The following CREB3L2 variants were observed in gnomAD, a reference collection of about 807,000 sequenced individuals.
The protein encoded by CREB3L2 is cAMP responsive element binding protein 3 like 2.
CREB3L2 carries 23 observed loss-of-function variants against 57.2 expected under a neutral mutation model. The ratio of observed to expected loss-of-function variants is 0.40; its 90% CI spans 0.29 to 0.57. CREB3L2 has a LOEUF of 0.57. Ranked by LOEUF, CREB3L2 falls within the 20% of genes least tolerant of loss-of-function variation. The pLI, the probability that CREB3L2 is intolerant of heterozygous loss-of-function variation, is 0.42. For synonymous variants in CREB3L2, 268 were observed against 265.1 expected (o/e 1.01, Z -0.11); for missense variants, 628 against 634.7 (o/e 0.99, Z 0.11).
At chr7:137,986,846 T>C (rs1345531698) in intron 1 of CREB3L2, among the ~76,000 whole-genome samples, 2 of 152,226 alleles carry the variant, frequency 1.3e-5, no homozygotes, top group Non-Finnish European at 2.9e-5. Flanking sequence ...AGAAACCAAA[T>C]GGTTTTTTGG....
At chr7:137,982,417 C>T (rs1334985512) in intron 1 of CREB3L2, among the ~76,000 whole-genome samples, 2 of 146,258 alleles carry the variant, frequency 1.4e-5, no homozygotes, top group Admixed American at 1.3e-4. Flanking sequence ...TGTGATTTGG[C>T]TGTGTCCCCA....
intron 1 of CREB3L2, among the ~76,000 whole-genome samples, chr7:137,935,196 G>T (rs969266329): frequency 1.3e-5 from 2 of 152,180 alleles, no homozygotes; most frequent in South Asian, 4.1e-4. Context: ...TTCCGGCCTT[G>T]TGTCATGAGA....
At position 137,997,006 on chromosome 7, in the gene CREB3L2, T is replaced by C. The variant is rs1801998184; in HGVS notation, c.102+4598A>G. On this transcript the variant is annotated intron_variant, in intron 1 of 11. Transcript: ENST00000330387. ...AAGAAAGGAGAACATTATCAAGATC[T>C]TGATGTTTATCATGGGCAAACCACC... is the stretch of plus-strand genomic sequence containing the variant. Among the ~76,000 whole-genome samples, 3 of 152,190 alleles carry C rather than the reference T, an allele frequency of 2.0e-5. 1 individual carries two copies. In the South Asian group the frequency reaches 6.2e-4, roughly 32 times the overall value.
chr7:137,987,609 T>C (rs1374740880), intron 1 of CREB3L2, among the ~76,000 whole-genome samples: 49 of 152,210 alleles, frequency 3.2e-4, no homozygotes, highest in Non-Finnish European at 5.9e-5. Flanking sequence ...GTTTTGTGTG[T>C]TGGGGAGACA....
intron 2 of CREB3L2, among the ~76,000 whole-genome samples, chr7:137,922,394 ATATATATATATATATATATATG>A (rs1563253180): frequency 7.7e-4 from 14 of 18,090 alleles, no homozygotes; most frequent in East Asian, 0.017. Context: ...GTATATATAT[ATATATATATATATATATATATG>A]TATATATATA....
intron 1 of CREB3L2, among the ~76,000 whole-genome samples, chr7:137,987,367 C>T (rs961081455): frequency 2.6e-5 from 4 of 151,802 alleles, no homozygotes; most frequent in African/African-American, 7.3e-5. Context: ...TGTGCCTAGT[C>T]GTTTGAATAA....
At chr7:137,979,501 G>A (rs1202509024) in intron 1 of CREB3L2, among the ~76,000 whole-genome samples, 6 of 152,034 alleles carry the variant, frequency 3.9e-5, no homozygotes, top group African/African-American at 1.4e-4. Flanking sequence ...TGAGGCGGGC[G>A]GATCACGAGG....
chr7:137,925,439 T>G (rs1800431430), intron 2 of CREB3L2, among the ~76,000 whole-genome samples: 1 of 152,204 alleles, frequency 6.6e-6, no homozygotes, highest in South Asian at 2.1e-4. Flanking sequence ...CTTAAGCTAT[T>G]ATCACCATGC....
intron 11 of CREB3L2, among the ~76,000 whole-genome samples, chr7:137,881,047 AG>A (rs1306357673): frequency 6.6e-6 from 1 of 152,184 alleles, no homozygotes; most frequent in Non-Finnish European, 1.5e-5. Context: ...AGGCATTCAG[AG>A]GAGGGCTAGG....
In CREB3L2 at chr7:137,879,292, C is replaced by G. The variant is rs1192248358; in HGVS notation, c.*1184G>C. On this transcript the variant is annotated 3_prime_UTR_variant, in exon 12 of 12. Coordinates refer to ENST00000330387, the MANE Select transcript of CREB3L2 (RefSeq NM_194071.4). The stretch of plus-strand genomic sequence containing the variant: ...GTGGATACACAAATGTCACCTACCC[C>G]ACCCTGCTTTGTTGAGGTAGGGGAC... 5.7e-6 allele frequency: 3 copies of G among 529,088 alleles called. No homozygotes were observed. The highest frequency in any genetic ancestry group is 1.1e-5 in the Non-Finnish European group (3 of 274,310). The allele number at this position is 529,088 out of a possible 1,614,324, so 32.8% of individuals were successfully genotyped here. A position where few individuals can be genotyped will look rare whatever the true frequency, so the allele number is the denominator to read the frequency against.
rs576358268 is a variant in CREB3L2 at position 137,908,646 on chromosome 7, G to C, written c.584-210C>G. On this transcript the variant is annotated intron_variant, in intron 4 of 11. Coordinates refer to ENST00000330387, the MANE Select transcript of CREB3L2 (RefSeq NM_194071.4). ...CCACATTTGCTTATACTGGCAGAAA[G>C]AAACACTGGAAGTGAATACAAGAAA... 2.0e-5 allele frequency among the ~76,000 whole-genome samples: 3 copies of C among 152,252 alleles called. No individual in the cohort carries two copies. In the South Asian group the frequency reaches 6.2e-4, roughly 32 times the overall value.
intron 1 of CREB3L2, among the ~76,000 whole-genome samples, chr7:137,963,473 A>T (rs1801358488): frequency 6.6e-6 from 1 of 152,174 alleles, no homozygotes; most frequent in Non-Finnish European, 1.5e-5. Flanking sequence ...GCCATTTTGT[A>T]TTTATCCTAA....
intron 3 of CREB3L2, among the ~76,000 whole-genome samples, chr7:137,913,506 C>CAAAAAA (rs33940093): frequency 9.2e-6 from 1 of 108,718 alleles, no homozygotes; most frequent in African/African-American, 3.6e-5. Context: ...GACCCTATCT[C>CAAAAAA]AAAAAAAAAA....
chr7:137,940,366 A>G (rs952468797), intron 1 of CREB3L2, among the ~76,000 whole-genome samples: 2 of 152,232 alleles, frequency 1.3e-5, no homozygotes, highest in African/African-American at 4.8e-5. Context: ...AAAAGAATAC[A>G]ATCTGGTACT....
chr7:137,896,250 C>T (rs1454006365), intron 8 of CREB3L2, among the ~76,000 whole-genome samples: 2 of 152,230 alleles, frequency 1.3e-5, no homozygotes, highest in African/African-American at 4.8e-5. Context: ...AGCGAAGCAG[C>T]CCTGCTTTTA....
chr7:137,987,593 G>C (rs1019203801), intron 1 of CREB3L2, among the ~76,000 whole-genome samples: 3 of 152,232 alleles, frequency 2.0e-5, no homozygotes, highest in African/African-American at 7.2e-5. Context: ...GCTGATGGTG[G>C]GACAGGTTTT....
chr7:137,920,839 G>C (rs1225242029), intron 2 of CREB3L2, among the ~76,000 whole-genome samples: 2 of 152,210 alleles, frequency 1.3e-5, no homozygotes, highest in Non-Finnish European at 1.5e-5. Context: ...CTTTCATTCT[G>C]AACTACTGGA....
chr7:137,894,901 C>A (rs901231520), intron 8 of CREB3L2, among the ~76,000 whole-genome samples: 1 of 152,178 alleles, frequency 6.6e-6, no homozygotes, highest in African/African-American at 2.4e-5. Context: ...ACCAAGTTCT[C>A]GTCCCCATTC....
At chr7:137,908,756 C>T (rs749353595) in intron 4 of CREB3L2, among the ~76,000 whole-genome samples, 1 of 152,018 alleles carries the variant, frequency 6.6e-6, no homozygotes, top group African/African-American at 2.4e-5. Context: ...GGCAGATCAC[C>T]TGAGGTCAGG....
Sources: gnomAD v4.1 joint callset for allele counts (sites outside exome capture counted in the v4.1 genomes callset) on GRCh38, gnomAD v4.1.1 for gene constraint, MANE v1.5 for transcripts, NCBI Gene and HGNC (gene_info 2026-07-23, HGNC 2026-07-21) for gene names.